Variants in KEL observed in about 807,000 individuals in gnomAD.
KEL encodes Kell metallo-endopeptidase (Kell blood group).
A neutral mutation model predicts 99.5 loss-of-function variants in KEL; 96 were observed. The ratio of observed to expected loss-of-function variants is 0.97; its 90% CI spans 0.82 to 1.14. The LOEUF (loss-of-function observed/expected upper bound fraction) is 1.14, where lower values mean the gene tolerates loss of function less well. KEL is among the 50% of genes most tolerant of loss of function. KEL has a pLI of 0.00. For synonymous variants in KEL, 355 were observed against 354.8 expected (o/e 1.00, Z -0.01); for missense variants, 926 against 924.2 (o/e 1.00, Z -0.03).
In KEL at chr7:142,946,268, A is replaced by G. The variant is rs149225200; in HGVS notation, c.1253T>C (p.Phe418Ser). ...AAACAAAGCCGCCAGCGTGGGCTCG[A>G]AGAACGTGCCTGTCTCCTCCACGCA... ...MKCVEETGTFFEPTLAALFVR... is the reference protein window; with the variant it reads ...MKCVEETGTFSEPTLAALFVR... The change falls in exon 11 of 19, where the codon TTC (phenylalanine) becomes TCC (serine). Residue 418 changes from phenylalanine to serine, a missense_variant. Physicochemically the swap from Phe to Ser is radical, Grantham distance 155. Coordinates refer to ENST00000355265, the MANE Select transcript of KEL (RefSeq NM_000420.3). 9.9e-6 allele frequency: 16 copies of G among 1,614,018 alleles called. No individual in the cohort carries two copies. In the African/African-American group the frequency reaches 1.1e-4, roughly 11 times the overall value.
chr7:142,956,167 C>T (rs1796825597), intron 6 of KEL, among the ~76,000 whole-genome samples: 1 of 152,202 alleles, frequency 6.6e-6, no homozygotes, highest in Admixed American at 6.5e-5. Context: ...AATGGGATCA[C>T]TGTGTAATCC....
Position 142,961,067 on chromosome 7 carries a change from A to G in KEL, c.261T>C (p.Asp87=), listed in dbSNP as rs760201778. 6.2e-7 allele frequency: 1 copy of G among 1,614,134 alleles called. No individual in the cohort carries two copies. Among genetic ancestry groups the G allele is most frequent in the Non-Finnish European group, 8.5e-7 (1 of 1,180,048 alleles). Residue 87 remains aspartate, a synonymous_variant, in exon 4 of 19, where the codon GAT becomes GAC. Transcript: ENST00000355265. ...TTGTGTTCCCAGAGGCCAGGTAATG[A>G]TCCCGGAGATCCAAACACACAGATG... ...CETSVCLDLR[D]HYLASGNTSV...
intron 6 of KEL, 88 bp downstream of exon 6, chr7:142,957,739 C>A: frequency 6.5e-7 from 1 of 1,542,842 alleles, no homozygotes; most frequent in Admixed American, 1.7e-5. Flanking sequence ...GTCCTCTCTT[C>A]CCAACCTGCA....
rs906814829 is a variant in KEL, at chr7:142,944,401, C to T, written c.1414-1G>A. On this transcript the variant is annotated splice_acceptor_variant, in intron 12 of 18. Transcript: ENST00000355265. LOFTEE classifies it high-confidence loss of function. ...CCATCTCCACCTGCAGTTGAGCAAC[C>T]TGGAGAGAGACACAGAAGAGGCTAG... 5 of 1,611,974 alleles carry T rather than the reference C, an allele frequency of 3.1e-6. No homozygotes were observed. Among genetic ancestry groups the T allele is most frequent in the Non-Finnish European group, 3.4e-6 (4 of 1,178,002 alleles).
At chr7:142,950,120 T>C (rs764164432) in intron 10 of KEL, among the ~76,000 whole-genome samples, 9 of 152,240 alleles carry the variant, frequency 5.9e-5, no homozygotes, top group Non-Finnish European at 1.2e-4. Context: ...TTTGATTCCA[T>C]TCTCCTTCTC....
In KEL at chr7:142,952,628, G is replaced by T. The variant is rs766310210; in HGVS notation, c.1084C>A (p.Gln362Lys). ...EMLLKQRDFL[Q>K]SHMILGLVVT... ...ACCAGCCCTAAGATCATGTGGCTCT[G>T]CAGAAAGTCCCTATGGAGACAAAAG... The change falls in exon 10 of 19, where the codon CAG becomes AAG. Residue 362 changes from glutamine to lysine, a missense_variant. Transcript: ENST00000355265. 38 of 1,613,918 alleles carry T rather than the reference G, an allele frequency of 2.4e-5. No individual in the cohort carries two copies. Among genetic ancestry groups the T allele is most frequent in the Non-Finnish European group, 3.1e-5 (37 of 1,180,022 alleles).
At position 142,942,478 on chromosome 7, in the gene KEL, G is replaced by C; in HGVS notation, c.1993C>G (p.Leu665Val). Residue 665 changes from leucine to valine, a missense_variant, in exon 18 of 19, where the codon CTG becomes GTG. By Grantham distance (32) the Leu-to-Val change is conservative (BLOSUM62 1). Coordinates refer to ENST00000355265, the MANE Select transcript of KEL (RefSeq NM_000420.3). ...AAGATCTGCTGGGGGCTGAGGTCCA[G>C]GCTGGGCAGGACAGTCTCCCCATGG... is the stretch of plus-strand genomic sequence containing the variant. ...RHHGETVLPS[L>V]DLSPQQIFFR... is the part of the protein sequence containing the mutation. 1.2e-6 allele frequency: 2 copies of C among 1,609,906 alleles called. No individual in the cohort carries two copies. Among genetic ancestry groups the C allele is most frequent in the South Asian group, 2.2e-5 (2 of 89,750 alleles).
chr7:142,953,830 C>G lies in KEL; in HGVS notation c.1051G>C (p.Glu351Gln). 6.2e-7 allele frequency: 1 copy of G among 1,614,234 alleles called. No homozygotes were observed. Among genetic ancestry groups the G allele is most frequent in the Non-Finnish European group, 8.5e-7 (1 of 1,180,050 alleles). ...EYLKNMSQLV[E>Q]EMLLKQRDFL... ...AACCTCTGCTTTAGCAGCATCTCCT[C>G]CACCAGTTGTGACATGTTTTTCAAA... Residue 351 changes from glutamate (E) to glutamine (Q), a missense_variant, in exon 9 of 19, where the codon GAG becomes CAG. Coordinates refer to ENST00000355265, the MANE Select transcript of KEL (RefSeq NM_000420.3).
chr7:142,947,913 G>A (rs890367837), intron 10 of KEL, among the ~76,000 whole-genome samples: 2 of 152,166 alleles, frequency 1.3e-5, no homozygotes, highest in African/African-American at 4.8e-5. Flanking sequence ...AAAGAAGTCC[G>A]GGTCTGAAAG....
At chr7:142,948,914 A>ACACACACACACACACACACACAC (rs1389126108) in intron 10 of KEL, among the ~76,000 whole-genome samples, 7 of 152,030 alleles carry the variant, frequency 4.6e-5, no homozygotes, top group African/African-American at 1.7e-4. Flanking sequence ...ACACACACAC[A>ACACACACACACACACACACACAC]CACACACACA....
chr7:142,957,292 G>T (rs2116678624), intron 6 of KEL, among the ~76,000 whole-genome samples: 1 of 152,354 alleles, frequency 6.6e-6, no homozygotes, highest in East Asian at 1.9e-4. Flanking sequence ...GGAAGCAGCA[G>T]TGAGTCAGCA....
At chr7:142,947,917 C>T (rs2116653672) in intron 10 of KEL, among the ~76,000 whole-genome samples, 1 of 152,326 alleles carries the variant, frequency 6.6e-6, no homozygotes, top group South Asian at 2.1e-4. Flanking sequence ...AAGTCCGGGT[C>T]TGAAAGCAAT....
chr7:142,951,545 T>G (rs1796686088), intron 10 of KEL, among the ~76,000 whole-genome samples: 1 of 152,156 alleles, frequency 6.6e-6, no homozygotes, highest in East Asian at 1.9e-4. Context: ...CTTCCTTATC[T>G]TTCGTGCCTC....
In KEL at chr7:142,960,927, C is replaced by G; in HGVS notation, c.400+1G>C. 3.1e-6 allele frequency: 5 copies of G among 1,614,200 alleles called. No individual in the cohort carries two copies. The highest frequency in any genetic ancestry group is 4.2e-6 in the Non-Finnish European group (5 of 1,180,008). On this transcript the variant is annotated splice_donor_variant, in intron 4 of 18. Coordinates refer to ENST00000355265, the MANE Select transcript of KEL (RefSeq NM_000420.3). LOFTEE classifies it high-confidence loss of function. ...AGCATCTTCCACCCTGCTTTCCTCA[C>G]CCAGTATTCTCCGAAGTCGGTTTTT...
Position 142,941,324 on chromosome 7 carries a change from T to A in KEL, c.2127A>T (p.Pro709=), listed in dbSNP as rs1381995443. ...LRVHGPLSST[P]AFARYFRCAR... ...CACAGCGGAAATACCTGGCAAAGGC[T>A]GGGGTGCTGCTGAGGGGCCCGTGGA... Residue 709 remains proline, a synonymous_variant, in exon 19 of 19, where the codon CCA becomes CCT. Transcript: ENST00000355265. 1.2e-6 allele frequency: 2 copies of A among 1,614,042 alleles called. No homozygotes were observed.
In KEL at chr7:142,961,451, C is replaced by T. The variant is rs573971029; in HGVS notation, c.132G>A (p.Val44=). Reference sequence around the variant, plus strand: ...GGATAGCTGTCAGCACCCGCCTGGCCACTGCCCATGGCCTGCTCCCTTCCA... The same window carrying T: ...GGATAGCTGTCAGCACCCGCCTGGCTACTGCCCATGGCCTGCTCCCTTCCA... ...LPVEGSRPWA[V]ARRVLTAILI... Residue 44 remains valine (V), a synonymous_variant, in exon 3 of 19, where the codon GTG becomes GTA. Transcript: ENST00000355265. 1 of 1,612,416 alleles carries T rather than the reference C, an allele frequency of 6.2e-7. No individual in the cohort carries two copies. Among genetic ancestry groups the T allele is most frequent in the African/African-American group, 1.3e-5 (1 of 75,040 alleles).
chr7:142,942,793 C>CA lies in KEL; in HGVS notation c.1941+81dup, dbSNP rs1430211653. On this transcript the variant is annotated intron_variant, in intron 17 of 18. Coordinates refer to ENST00000355265, the MANE Select transcript of KEL (RefSeq NM_000420.3). ...GAAAGCCATGCAACTGTACTTGTGT[C>CA]AGGAATGGTGGAAGGAAAACTTGAG... 3 of 1,541,638 alleles carry CA rather than the reference C, an allele frequency of 1.9e-6. No individual in the cohort carries two copies. In the South Asian group the frequency reaches 3.3e-5, roughly 17 times the overall value.
At chr7:142,956,426 G>A (rs1171678244) in intron 6 of KEL, among the ~76,000 whole-genome samples, 1 of 151,646 alleles carries the variant, frequency 6.6e-6, no homozygotes, top group Non-Finnish European at 1.5e-5. Flanking sequence ...GAGTTGGATG[G>A]CCTCAGTAGC....
At chr7:142,949,185 G>A (rs960402542) in intron 10 of KEL, among the ~76,000 whole-genome samples, 2 of 152,094 alleles carry the variant, frequency 1.3e-5, no homozygotes, top group African/African-American at 4.8e-5. Flanking sequence ...CACAGGTTTG[G>A]GGATCAGGTG....
Sources: allele counts gnomAD v4.1 joint callset (sites outside exome capture counted in the v4.1 genomes callset), GRCh38; gene constraint gnomAD v4.1.1; transcripts MANE v1.5; gene names NCBI Gene and HGNC (gene_info 2026-07-23, HGNC 2026-07-21).